ZNF277: variants seen among roughly 807,000 people sequenced by gnomAD.
ZNF277 encodes the protein zinc finger protein 277, also known as nuclear receptor-interacting factor 4.
Under a neutral mutation model 60.7 loss-of-function variants are expected in ZNF277, and 55 were observed. That is an observed-to-expected ratio of 0.91 (90% CI 0.73 to 1.13). The LOEUF is 1.13. Among genes scored for constraint, ZNF277 ranks in the 50% most tolerant of loss-of-function variants. The pLI is 0.00. For synonymous variants in ZNF277, 178 were observed against 179.3 expected, an observed-to-expected ratio of 0.99 and a Z score of 0.06; for missense variants, 510 against 523.0, an observed-to-expected ratio of 0.98 and a Z score of 0.24.
intron 1 of ZNF277, among the ~76,000 whole-genome samples, chr7:112,264,005 T>C (rs762059138): frequency 3.3e-5 from 5 of 152,062 alleles, no homozygotes; most frequent in Non-Finnish European, 7.4e-5. Flanking sequence ...TTGTAAAACA[T>C]TGAAAAATAT....
intron 4 of ZNF277, 150 bp from the exon 5 acceptor site, chr7:112,318,031 CA>C: frequency 1.6e-6 from 1 of 616,514 alleles, no homozygotes; most frequent in Non-Finnish European, 2.9e-6. Flanking sequence ...GAGTTTAATG[CA>C]AAAACAGGAA....
chr7:112,283,185 G>C (rs1791985849), intron 1 of ZNF277, among the ~76,000 whole-genome samples: 1 of 152,070 alleles, frequency 6.6e-6, no homozygotes, highest in Non-Finnish European at 1.5e-5. Flanking sequence ...AAATCATTTG[G>C]GAATCAGAGA....
chr7:112,210,471 T>G (rs1204550929), intron 1 of ZNF277, among the ~76,000 whole-genome samples: 10 of 150,800 alleles, frequency 6.6e-5, no homozygotes, highest in African/African-American at 1.2e-4. Context: ...TTTTGTTTTT[T>G]TTTTTTGTTT....
intron 1 of ZNF277, among the ~76,000 whole-genome samples, chr7:112,248,047 G>A (rs1791122795): frequency 1.3e-5 from 2 of 152,094 alleles, no homozygotes; most frequent in Non-Finnish European, 2.9e-5. Flanking sequence ...TACTCAATAG[G>A]TGTCAGTGGA....
At chr7:112,307,817 G>A (rs1181958387) in intron 4 of ZNF277, among the ~76,000 whole-genome samples, 1 of 151,722 alleles carries the variant, frequency 6.6e-6, no homozygotes, top group African/African-American at 2.4e-5. Flanking sequence ...TTTGGCTAAG[G>A]TAGATGCTTT....
At chr7:112,288,763 C>A (rs1259353627) in intron 2 of ZNF277, 1 of 154,108 alleles carries the variant, frequency 6.5e-6, no homozygotes, top group African/African-American at 2.4e-5. Context: ...TGTTCTCAGT[C>A]AAAGAGGACA....
intron 1 of ZNF277, among the ~76,000 whole-genome samples, chr7:112,221,771 G>C (rs1822037782): frequency 6.6e-6 from 1 of 152,178 alleles, no homozygotes; most frequent in South Asian, 2.1e-4. Flanking sequence ...GCAGAGCTCA[G>C]CTTCACTCAC....
chr7:112,240,918 G>A (rs1790931009), intron 1 of ZNF277, among the ~76,000 whole-genome samples: 1 of 151,972 alleles, frequency 6.6e-6, no homozygotes, highest in African/African-American at 2.4e-5. Context: ...AAAACATTGG[G>A]GAAACTCTCT....
chr7:112,268,246 A>G (rs952056500), intron 1 of ZNF277, among the ~76,000 whole-genome samples: 1 of 151,498 alleles, frequency 6.6e-6, no homozygotes, highest in Non-Finnish European at 1.5e-5. Context: ...ATATGCCTGC[A>G]TGCACACACA....
At chr7:112,322,016 G>A (rs557738217) in intron 5 of ZNF277, among the ~76,000 whole-genome samples, 8 of 151,702 alleles carry the variant, frequency 5.3e-5, no homozygotes, top group African/African-American at 1.2e-4. Flanking sequence ...TCCAGTCTTC[G>A]GGACAGAAGA....
At chr7:112,340,344 A>T (rs552331170) in intron 10 of ZNF277, among the ~76,000 whole-genome samples, 2 of 152,266 alleles carry the variant, frequency 1.3e-5, no homozygotes, top group African/African-American at 4.8e-5. Context: ...GGTGTACCCA[A>T]TGTATCATTC....
intron 9 of ZNF277, among the ~76,000 whole-genome samples, chr7:112,338,187 C>G (rs193208328): frequency 6.6e-6 from 1 of 152,144 alleles, no homozygotes; most frequent in East Asian, 1.9e-4. Flanking sequence ...ACAAAGGTCC[C>G]GGAGGAATAG....
intron 1 of ZNF277, among the ~76,000 whole-genome samples, chr7:112,253,361 T>C (rs1212350478): frequency 6.6e-6 from 1 of 152,194 alleles, no homozygotes; most frequent in African/African-American, 2.4e-5. Context: ...AATATAAGTA[T>C]CGTTACAAAC....
At chr7:112,291,751 TA>T (rs1438252791) in intron 2 of ZNF277, among the ~76,000 whole-genome samples, 1 of 152,230 alleles carries the variant, frequency 6.6e-6, no homozygotes, top group Non-Finnish European at 1.5e-5. Flanking sequence ...CTCTTAATTA[TA>T]AGCTTAAAAA....
intron 4 of ZNF277, among the ~76,000 whole-genome samples, chr7:112,309,394 T>C (rs540894659): frequency 6.6e-6 from 1 of 151,888 alleles, no homozygotes; most frequent in African/African-American, 2.4e-5. Flanking sequence ...TTTAAGACTA[T>C]ATAGAAAAAT....
rs201950747 is a variant in ZNF277, at chr7:112,311,745, GGAA to G, written c.466-6432_466-6430del. Among the ~76,000 whole-genome samples the G allele has an allele frequency of 3.0e-4, 46 of 152,090 alleles. No individual in the cohort carries two copies. The East Asian group carries it at 8.1e-3, about 27-fold the overall frequency. ...AAAAAAGAGGGAGAAAAGGAGGAAG[GGAA>G]GAAGGAGAGGAGAGAAGAAAATAGA... On this transcript the variant is annotated intron_variant, in intron 4 of 11. Coordinates refer to ENST00000361822, the MANE Select transcript of ZNF277 (RefSeq NM_021994.3).
intron 4 of ZNF277, among the ~76,000 whole-genome samples, chr7:112,310,480 T>TGAGAGAGAGAGAGAGAGAGA: frequency 1.1e-5 from 1 of 90,986 alleles, no homozygotes; most frequent in African/African-American, 6.4e-5. Flanking sequence ...AGAGAGAGAG[T>TGAGAGAGAGAGAGAGAGAGA]GTGTGTGTGT....
At chr7:112,234,957 A>G (rs1212032213) in intron 1 of ZNF277, among the ~76,000 whole-genome samples, 1 of 151,908 alleles carries the variant, frequency 6.6e-6, no homozygotes, top group Non-Finnish European at 1.5e-5. Flanking sequence ...GGAGTCTTAT[A>G]TAGTAAGGAA....
chr7:112,296,163 T>G, intron 3 of ZNF277, 66 bp from the exon 4 acceptor site: 2 of 1,186,932 alleles, frequency 1.7e-6, no homozygotes, highest in South Asian at 2.6e-5. Flanking sequence ...TTTTAAGAAA[T>G]AAGTCCTTCT....
Sources: gnomAD v4.1 joint callset for allele counts (sites outside exome capture counted in the v4.1 genomes callset) on GRCh38, gnomAD v4.1.1 for gene constraint, MANE v1.5 for transcripts, NCBI Gene and HGNC (gene_info 2026-07-23, HGNC 2026-07-21) for gene names.